The following RNF144A variants were observed in gnomAD, a reference collection of about 807,000 sequenced individuals.
The protein encoded by RNF144A is ring finger protein 144A, also known as E3 ubiquitin-protein ligase RNF144A.
In RNF144A, 11 loss-of-function variants were observed where a neutral mutation model predicts 38.7. That is an observed-to-expected ratio of 0.28 (90% CI 0.18 to 0.47). The LOEUF is 0.47. RNF144A is among the 20% of genes least tolerant of loss of function. RNF144A has a pLI of 0.99. For missense variants in RNF144A, 316 were observed against 377.2 expected, an observed-to-expected ratio of 0.84 and a Z score of 1.34; for synonymous variants, 149 against 143.9, an observed-to-expected ratio of 1.04 and a Z score of -0.25.
chr2:7,065,252 A>T (rs1295368140), intron 6 of RNF144A, among the ~76,000 whole-genome samples: 1 of 152,246 alleles, frequency 6.6e-6, no homozygotes, highest in African/African-American at 2.4e-5. Context: ...CTTGGTTCCA[A>T]ATCCAAATTC....
At chr2:7,006,228 G>T (rs1370278616) in intron 3 of RNF144A, among the ~76,000 whole-genome samples, 1 of 152,004 alleles carries the variant, frequency 6.6e-6, no homozygotes, top group African/African-American at 2.4e-5. Flanking sequence ...TTCACTCAGA[G>T]CCCAGGGATG....
intron 3 of RNF144A, among the ~76,000 whole-genome samples, chr2:6,997,306 C>T (rs780901346): frequency 5.9e-5 from 9 of 152,292 alleles, no homozygotes; most frequent in Middle Eastern, 3.4e-3. Flanking sequence ...TTTAGAAGCT[C>T]GTGATAACAA....
At chr2:7,068,096 T>G in intron 6 of RNF144A, 1 of 472,604 alleles carries the variant, frequency 2.1e-6, no homozygotes, top group South Asian at 1.7e-5. Flanking sequence ...TCAATCTCTC[T>G]TCCCTGTTGC....
At chr2:7,076,148 T>C in the RNF144A span, among the ~76,000 whole-genome samples, 1 of 152,178 alleles carries the variant, frequency 6.6e-6, no homozygotes, top group Non-Finnish European at 1.5e-5. Flanking sequence ...CTCCAAGCCC[T>C]TTCCCTAGGG....
chr2:7,071,018 T>A (rs1674463058), downstream of RNF144A, among the ~76,000 whole-genome samples: 1 of 144,630 alleles, frequency 6.9e-6, no homozygotes. Context: ...CACTACAACC[T>A]CCATCTCCCA....
At chr2:6,987,413 G>C (rs1329429590) in intron 2 of RNF144A, among the ~76,000 whole-genome samples, 1 of 152,182 alleles carries the variant, frequency 6.6e-6, no homozygotes, top group Non-Finnish European at 1.5e-5. Context: ...TGTCCTCTCT[G>C]TGGCCCTGCT....
At chr2:7,058,874 C>T (rs1057455877) in intron 6 of RNF144A, among the ~76,000 whole-genome samples, 3 of 151,998 alleles carry the variant, frequency 2.0e-5, no homozygotes, top group Non-Finnish European at 2.9e-5. Flanking sequence ...TTTTGCCGAC[C>T]GTATACCTGT....
chr2:7,040,518 G>A lies in RNF144A; in HGVS notation c.*758G>A. On this transcript the variant is annotated 3_prime_UTR_variant, in exon 9 of 9. Transcript: ENST00000320892. Reference sequence around the variant, plus strand: ...TTAAAGGAACATCTCATCTCCATTAGATTTGCCTTTTGTTGTTTTCTCTCT... The same window carrying A: ...TTAAAGGAACATCTCATCTCCATTAAATTTGCCTTTTGTTGTTTTCTCTCT... The A allele has an allele frequency of 1.0e-6, 1 of 985,440 alleles. No homozygotes were observed. The highest frequency in any genetic ancestry group is 1.2e-6 in the Non-Finnish European group (1 of 829,950). 61.0% of individuals were successfully genotyped at this position (985,440 alleles called of 1,614,324 possible).
chr2:7,037,685 G>A (rs939692274), intron 8 of RNF144A, among the ~76,000 whole-genome samples: 1 of 152,220 alleles, frequency 6.6e-6, no homozygotes, highest in African/African-American at 2.4e-5. Context: ...ACGTACGTGT[G>A]CATGTGTTGG....
chr2:7,032,399 C>CGAATCCGCGCCCCT (rs1672372850), intron 8 of RNF144A, among the ~76,000 whole-genome samples: 1 of 152,278 alleles, frequency 6.6e-6, no homozygotes, highest in Non-Finnish European at 1.5e-5. Flanking sequence ...CAGCTCTGCT[C>CGAATCCGCGCCCCT]TGGCTGCTGT....
chr2:7,029,677 G>A (rs888987299), intron 7 of RNF144A, among the ~76,000 whole-genome samples: 1 of 152,258 alleles, frequency 6.6e-6, no homozygotes, highest in Non-Finnish European at 1.5e-5. Flanking sequence ...CCCTGTCACT[G>A]CACCAGGAAG....
intron 3 of RNF144A, among the ~76,000 whole-genome samples, chr2:7,006,839 G>A (rs989623655): frequency 6.6e-6 from 1 of 152,184 alleles, no homozygotes; most frequent in African/African-American, 2.4e-5. Context: ...CCAAAACACA[G>A]GTCCTGGTGA....
At chr2:6,932,058 C>A (rs1206293954) in intron 1 of RNF144A, among the ~76,000 whole-genome samples, 1 of 152,184 alleles carries the variant, frequency 6.6e-6, no homozygotes, top group African/African-American at 2.4e-5. Flanking sequence ...TTTCTCCCTG[C>A]AGTTCTGTCA....
chr2:6,940,493 T>A (rs370721516), intron 1 of RNF144A, among the ~76,000 whole-genome samples: 4 of 152,346 alleles, frequency 2.6e-5, no homozygotes, highest in African/African-American at 9.6e-5. Context: ...ATTTGTGTTC[T>A]TCTGTTCTTC....
chr2:6,952,596 A>G (rs1666755861), intron 2 of RNF144A, among the ~76,000 whole-genome samples: 1 of 150,062 alleles, frequency 6.7e-6, no homozygotes, highest in Non-Finnish European at 1.5e-5. Flanking sequence ...AGCTTTATGT[A>G]TATATATATG....
rs1673023187 is a variant in RNF144A, at chr2:7,041,225, C to T, written c.*1465C>T. 2.0e-6 allele frequency: 2 copies of T among 985,468 alleles called. No individual in the cohort carries two copies. Among genetic ancestry groups the T allele is most frequent in the African/African-American group, 3.5e-5 (2 of 57,356 alleles). 61.0% of individuals were successfully genotyped at this position (985,468 alleles called of 1,614,324 possible). A position where few individuals can be genotyped will look rare whatever the true frequency, so the allele number is the denominator to read the frequency against. On this transcript the variant is annotated 3_prime_UTR_variant, in exon 9 of 9. Coordinates refer to ENST00000320892, the MANE Select transcript of RNF144A (RefSeq NM_014746.6). ...CCTTTTATCTCAGTTATTTGCCCAT[C>T]ACAAGCACATTTTTAAAATGTTGCT...
intron 3 of RNF144A, among the ~76,000 whole-genome samples, chr2:6,998,173 A>C (rs1351121492): frequency 9.3e-6 from 1 of 107,482 alleles, no homozygotes; most frequent in Admixed American, 1.2e-4. Context: ...AACTGTCTTC[A>C]AAAAAAAAAA....
chr2:6,991,247 G>A (rs1669352700), intron 2 of RNF144A, among the ~76,000 whole-genome samples: 1 of 152,160 alleles, frequency 6.6e-6, no homozygotes, highest in Admixed American at 6.5e-5. Context: ...GGCATCATCT[G>A]CTTGGGAGGA....
At chr2:7,068,602 C>T (rs1252313347), downstream of RNF144A, among the ~76,000 whole-genome samples, 3 of 152,242 alleles carry the variant, frequency 2.0e-5, no homozygotes, top group Admixed American at 6.5e-5. Context: ...CTGGCGAATC[C>T]GAGTCAGACA....
Sources: gnomAD v4.1 joint callset for allele counts (sites outside exome capture counted in the v4.1 genomes callset) on GRCh38, gnomAD v4.1.1 for gene constraint, MANE v1.5 for transcripts, NCBI Gene and HGNC (gene_info 2026-07-23, HGNC 2026-07-21) for gene names.